SLC9D1: variants seen among roughly 807,000 people sequenced by gnomAD.
SLC9D1 encodes solute carrier family 9 member D1, also known as putative LAG1-interacting protein.
the SLC9D1 span, chr13:113,534,028 T>C: frequency 6.4e-7 from 1 of 1,569,644 alleles, no homozygotes. Context: ...AAATCACGTC[T>C]CTTTTTTCTT....
At chr13:113,520,751 G>A in the SLC9D1 span, 50 of 1,548,524 alleles carry the variant, frequency 3.2e-5, no homozygotes, top group African/African-American at 3.4e-4. Context: ...CTTTGTGTAC[G>A]CAATTTGTTT....
At chr13:113,537,146 A>G in the SLC9D1 span, among the ~76,000 whole-genome samples, 2 of 152,144 alleles carry the variant, frequency 1.3e-5, no homozygotes, top group Non-Finnish European at 2.9e-5. Context: ...CATTTGTAGG[A>G]ATTATTTTTT....
chr13:113,540,068 G>A, the SLC9D1 span, among the ~76,000 whole-genome samples: 4 of 152,290 alleles, frequency 2.6e-5, no homozygotes, highest in Admixed American at 6.5e-5. Context: ...TTACGGTTGC[G>A]TAACATTCCC....
the SLC9D1 span, among the ~76,000 whole-genome samples, chr13:113,546,945 GGGGCTGT>G: frequency 6.6e-6 from 1 of 152,212 alleles, no homozygotes; most frequent in Non-Finnish European, 1.5e-5. The surrounding 1 kb of genome is among the most constrained non-coding windows in gnomAD (Gnocchi z 7.1). Context: ...TGGGCACTGT[GGGGCTGT>G]GGGCTCTGGG....
chr13:113,492,194 T>TC, the SLC9D1 span, among the ~76,000 whole-genome samples: 1 of 152,214 alleles, frequency 6.6e-6, no homozygotes, highest in Non-Finnish European at 1.5e-5. Context: ...CAGGATGATC[T>TC]CCAACTCCTG....
At chr13:113,540,768 T>C in the SLC9D1 span, among the ~76,000 whole-genome samples, 16 of 152,236 alleles carry the variant, frequency 1.1e-4, no homozygotes, top group African/African-American at 3.6e-4. Context: ...CCGTTGCGAT[T>C]GCGTTTGTAG....
chr13:113,526,661 G>A, the SLC9D1 span, among the ~76,000 whole-genome samples: 1 of 152,230 alleles, frequency 6.6e-6, no homozygotes, highest in Non-Finnish European at 1.5e-5. Flanking sequence ...AAAGGCTGCA[G>A]TGAGCTGTGA....
chr13:113,515,890 C>CAAAAAAAA, the SLC9D1 span, among the ~76,000 whole-genome samples: 7 of 79,060 alleles, frequency 8.9e-5, no homozygotes, highest in Admixed American at 1.6e-4. Flanking sequence ...GACTCCGTCC[C>CAAAAAAAA]AAAAAAAAAA....
At chr13:113,544,844 A>G in the SLC9D1 span, among the ~76,000 whole-genome samples, 227 of 152,366 alleles carry the variant, frequency 1.5e-3, 2 homozygotes, top group East Asian at 0.024. Context: ...GCCTGAACGT[A>G]GGAGTTCGCA....
the SLC9D1 span, chr13:113,496,159 T>C: frequency 1.5e-6 from 1 of 645,178 alleles, no homozygotes; most frequent in Non-Finnish European, 2.6e-6. Context: ...AGGGAAGGCG[T>C]GAATGCTGCT....
At chr13:113,530,968 G>A in the SLC9D1 span, among the ~76,000 whole-genome samples, 1 of 152,200 alleles carries the variant, frequency 6.6e-6, no homozygotes, top group African/African-American at 2.4e-5. Context: ...GAAGCTGGGT[G>A]GTGCCCAGGT....
At chr13:113,492,433 A>G in the SLC9D1 span, among the ~76,000 whole-genome samples, 11,853 of 152,274 alleles carry the variant, frequency 0.078, 573 homozygotes, top group Middle Eastern at 0.21. Flanking sequence ...GCAAAACCAT[A>G]GTATATGTGG....
the SLC9D1 span, among the ~76,000 whole-genome samples, chr13:113,544,151 C>G: frequency 3.3e-5 from 5 of 152,256 alleles, no homozygotes. Context: ...GCAGAGACTC[C>G]TCTGCAGGTC....
the SLC9D1 span, chr13:113,520,622 T>C: frequency 9.3e-6 from 15 of 1,610,592 alleles, no homozygotes; most frequent in African/African-American, 1.3e-5. Context: ...ACAGGCGACA[T>C]TGACTACAGC....
the SLC9D1 span, chr13:113,520,739 C>T: frequency 3.5e-5 from 55 of 1,586,966 alleles, 1 homozygote; most frequent in Middle Eastern, 1.7e-4. Flanking sequence ...TCTAGGTAAA[C>T]GCTTTGTGTA....
the SLC9D1 span, among the ~76,000 whole-genome samples, chr13:113,517,098 G>A: frequency 2.6e-5 from 4 of 152,194 alleles, no homozygotes; most frequent in Non-Finnish European, 5.9e-5. Flanking sequence ...CAGGAAGAGC[G>A]CCCTTGTCTC....
chr13:113,536,572 A>G, the SLC9D1 span: 2 of 985,216 alleles, frequency 2.0e-6, no homozygotes, highest in Non-Finnish European at 2.4e-6. Flanking sequence ...TATCTGGACA[A>G]CTTCCGTGTT....
chr13:113,533,418 C>T, the SLC9D1 span, among the ~76,000 whole-genome samples: 7 of 152,132 alleles, frequency 4.6e-5, no homozygotes, highest in African/African-American at 9.7e-5. Context: ...TTTCCTCCAC[C>T]GAGGAAACTT....
At chr13:113,528,846 C>T in the SLC9D1 span, 2 of 152,186 alleles carry the variant, frequency 1.3e-5, no homozygotes, top group East Asian at 3.9e-4. Context: ...AGTTCTTATT[C>T]CTTCTGGCTA....
Sources: gnomAD v4.1 joint callset for allele counts (sites outside exome capture counted in the v4.1 genomes callset) on GRCh38, gnomAD v4.1.1 for gene constraint, Gnocchi (gnomAD v3.1) non-coding constraint, MANE v1.5 for transcripts, NCBI Gene and HGNC (gene_info 2026-07-23, HGNC 2026-07-21) for gene names.